Variants in TRIP12 observed in about 807,000 individuals in gnomAD.
TRIP12 encodes the protein E3 ubiquitin-protein ligase TRIP12.
In TRIP12, 25 loss-of-function variants were observed where a neutral mutation model predicts 244.2. The ratio of observed to expected loss-of-function variants is 0.10; its 90% CI spans 0.07 to 0.14. The LOEUF (loss-of-function observed/expected upper bound fraction) is 0.14, where lower values mean the gene tolerates loss of function less well. Among genes scored for constraint, TRIP12 ranks in the 10% least tolerant of loss-of-function variants. The probability of loss-of-function intolerance (pLI) is 1.00; values close to 1 mark genes in which losing one functional copy is unlikely to be tolerated. For missense variants in TRIP12, 1,677 were observed against 2,486.4 expected, an observed-to-expected ratio of 0.67 and a Z score of 6.92; for synonymous variants, 905 against 873.1, an observed-to-expected ratio of 1.04 and a Z score of -0.64.
intron 4 of TRIP12, among the ~76,000 whole-genome samples, chr2:229,846,600 G>A (rs1227386305): frequency 6.6e-6 from 1 of 151,868 alleles, no homozygotes; most frequent in Non-Finnish European, 1.5e-5. Context: ...GTGGTGGCTG[G>A]GAACTGAGTG....
rs112971473 is a variant in TRIP12 at position 229,822,141 on chromosome 2, A to G, written c.1451-3629T>C. Among the ~76,000 whole-genome samples, 631 of 152,280 alleles carry G rather than the reference A, an allele frequency of 4.1e-3. 6 individuals are homozygous for G. The highest frequency in any genetic ancestry group is 0.015 in the African/African-American group (616 of 41,570). The stretch of plus-strand genomic sequence containing the variant: ...AGCGACAAGAGCGAGACTCCGTCTC[A>G]AAACAAACAAACAAACAAACAAAAA... On this transcript the variant is annotated intron_variant, in intron 8 of 41. Coordinates refer to ENST00000675903, the MANE Select transcript of TRIP12 (RefSeq NM_001348323.3).
intron 24 of TRIP12, 73 bp from the exon 25 acceptor site, chr2:229,796,855 CA>C: frequency 1.5e-6 from 2 of 1,347,186 alleles, no homozygotes; most frequent in Non-Finnish European, 2.0e-6. Context: ...CACATATCCT[CA>C]AAAGGAAATG....
intron 34 of TRIP12, 87 bp from the exon 35 acceptor site, chr2:229,779,077 G>C: frequency 3.8e-6 from 4 of 1,051,446 alleles, no homozygotes; most frequent in South Asian, 2.6e-5. Context: ...CACACTAACA[G>C]CAACTGTTTA....
chr2:229,807,604 C>CA (rs1430638092), intron 17 of TRIP12, 104 bp downstream of exon 17: 1 of 1,395,762 alleles, frequency 7.2e-7, no homozygotes, highest in Admixed American at 1.7e-5. Context: ...TGAGTTAATT[C>CA]AAAATCAAGC....
rs1406559114 is a variant in TRIP12 at position 229,765,607 on chromosome 2, CATT to C, written c.*1944_*1946del. On this transcript the variant is annotated 3_prime_UTR_variant, in exon 42 of 42. Coordinates refer to ENST00000675903, the MANE Select transcript of TRIP12 (RefSeq NM_001348323.3). ...GATAAAATGTCAAGTACAGATGAAA[CATT>C]ATTTTGTTTATACATGTCTAAATTT... The C allele has an allele frequency of 6.6e-6, 1 of 152,190 alleles. No individual in the cohort carries two copies. Among genetic ancestry groups the C allele is most frequent in the Non-Finnish European group, 1.5e-5 (1 of 68,032 alleles). The allele number at this position is 152,190 out of a possible 1,614,324, so 9.4% of individuals were successfully genotyped here. A position where few individuals can be genotyped will look rare whatever the true frequency, so the allele number is the denominator to read the frequency against.
rs1162418333 is a variant in TRIP12, at chr2:229,778,301, C to G, written c.5364+132G>C. The G allele has an allele frequency of 8.5e-7, 1 of 1,182,710 alleles. No individual in the cohort carries two copies. Among genetic ancestry groups the G allele is most frequent in the Non-Finnish European group, 1.2e-6 (1 of 843,120 alleles). The allele number at this position is 1,182,710 out of a possible 1,614,324, so 73.3% of individuals were successfully genotyped here. The stretch of plus-strand genomic sequence containing the variant: ...GAACCGGCATTTTTAACAAAATCCC[C>G]AAGTAATTCATATGTGTATTGAAGT... On this transcript the variant is annotated intron_variant, in intron 36 of 41. Coordinates refer to ENST00000675903, the MANE Select transcript of TRIP12 (RefSeq NM_001348323.3). The surrounding 1 kb of genome is among the most constrained non-coding windows in gnomAD (Gnocchi z 4.1).
chr2:229,792,768 T>C (rs1224808460), intron 27 of TRIP12, among the ~76,000 whole-genome samples: 1 of 152,140 alleles, frequency 6.6e-6, no homozygotes, highest in African/African-American at 2.4e-5. Context: ...ATAAATTAAC[T>C]CAACATTCAA....
intron 37 of TRIP12, 47 bp from the exon 38 acceptor site, chr2:229,774,308 T>C (rs767701469): frequency 2.6e-6 from 4 of 1,544,372 alleles, no homozygotes; most frequent in Admixed American, 2.0e-5. Flanking sequence ...AAAATTAACT[T>C]ACGGTTGTTT....
At chr2:229,810,118 G>C (rs2046899659) in intron 15 of TRIP12, among the ~76,000 whole-genome samples, 1 of 152,226 alleles carries the variant, frequency 6.6e-6, no homozygotes, top group Non-Finnish European at 1.5e-5. Context: ...CTAGTACTAT[G>C]GGAGGCCAAG....
chr2:229,800,896 C>T (rs2044129665), intron 21 of TRIP12, among the ~76,000 whole-genome samples: 2 of 151,920 alleles, frequency 1.3e-5, no homozygotes, highest in East Asian at 1.9e-4. Flanking sequence ...AGACCCCATG[C>T]TGTGTCTCTT....
At chr2:229,867,857 A>C (rs1304316981) in intron 2 of TRIP12, among the ~76,000 whole-genome samples, 2 of 152,214 alleles carry the variant, frequency 1.3e-5, no homozygotes, top group East Asian at 3.8e-4. Flanking sequence ...AGTGCAAAGG[A>C]AATTACTAAT....
intron 21 of TRIP12, among the ~76,000 whole-genome samples, chr2:229,799,772 C>CAA (rs369675716): frequency 7.8e-6 from 1 of 128,192 alleles, no homozygotes; most frequent in Non-Finnish European, 1.7e-5. Context: ...GACTCCATCT[C>CAA]AAAAAAAAAA....
chr2:229,838,148 T>C lies in TRIP12; in HGVS notation c.1134-1164A>G, dbSNP rs140470003. Among the ~76,000 whole-genome samples, 10 of 152,062 alleles carry C rather than the reference T, an allele frequency of 6.6e-5. No homozygotes were observed. The East Asian group carries it at 1.7e-3, about 27-fold the overall frequency. Reference sequence around the variant, plus strand: ...AAGGCTCTGGCTTACCTGAGAGCACTGGAAGAGTTTATTCTCATTACAGAA... The same window carrying C: ...AAGGCTCTGGCTTACCTGAGAGCACCGGAAGAGTTTATTCTCATTACAGAA... On this transcript the variant is annotated intron_variant, in intron 5 of 41. Coordinates refer to ENST00000675903, the MANE Select transcript of TRIP12 (RefSeq NM_001348323.3).
At chr2:229,884,581 C>T (rs1236127814) in intron 1 of TRIP12, among the ~76,000 whole-genome samples, 3 of 152,034 alleles carry the variant, frequency 2.0e-5, no homozygotes, top group Non-Finnish European at 2.9e-5. Flanking sequence ...ATCATACGCA[C>T]ACAAAGAAAG....
rs188332602 is a variant in TRIP12 at position 229,809,099 on chromosome 2, T to C, written c.2222-730A>G. 2.0e-3 allele frequency among the ~76,000 whole-genome samples: 300 copies of C among 152,384 alleles called. 1 individual carries two copies. Among genetic ancestry groups the C allele is most frequent in the African/African-American group, 7.0e-3 (293 of 41,596 alleles). ...ATATTATACATATGCAAAATATACA[T>C]AAACATTTTATTAGAATGTTTTGCC... On this transcript the variant is annotated intron_variant, in intron 15 of 41. Coordinates refer to ENST00000675903, the MANE Select transcript of TRIP12 (RefSeq NM_001348323.3).
intron 4 of TRIP12, among the ~76,000 whole-genome samples, chr2:229,850,958 G>A (rs2058569603): frequency 6.6e-6 from 1 of 152,216 alleles, no homozygotes; most frequent in South Asian, 2.1e-4. Flanking sequence ...TTCCCGCAGC[G>A]CAGGCCTCGG....
chr2:229,922,408 G>C, upstream of TRIP12: 1 of 1,057,418 alleles, frequency 9.5e-7, no homozygotes, highest in South Asian at 1.4e-5. Context: ...AAATCCTTCT[G>C]CCAGCTCATA....
rs1234101713 is a variant in TRIP12 at position 229,778,814 on chromosome 2, C to T, written c.5209+62G>A. ...TTAGAAATTAAATATGTCTAATAAA[C>T]TGTCAGAGTCCATTACCTGATCTGA... On this transcript the variant is annotated intron_variant, in intron 35 of 41. Coordinates refer to ENST00000675903, the MANE Select transcript of TRIP12 (RefSeq NM_001348323.3). This position sits in a 1 kb window ranked among gnomAD's most constrained non-coding sequence, Gnocchi z 4.1. The T allele has an allele frequency of 4.8e-6, 7 of 1,469,248 alleles. No homozygotes were observed. Among genetic ancestry groups the T allele is most frequent in the Admixed American group, 1.8e-5 (1 of 56,612 alleles). 91.0% of individuals were successfully genotyped at this position (1,469,248 alleles called of 1,614,324 possible). A position where few individuals can be genotyped will look rare whatever the true frequency, so the allele number is the denominator to read the frequency against.
chr2:229,865,065 T>C (rs1356675215), intron 2 of TRIP12, among the ~76,000 whole-genome samples: 2 of 152,060 alleles, frequency 1.3e-5, no homozygotes, highest in East Asian at 1.9e-4. Context: ...CCCAGCACTT[T>C]GGAAGGTTGA....
Sources: gnomAD v4.1 joint callset for allele counts (sites outside exome capture counted in the v4.1 genomes callset) on GRCh38, gnomAD v4.1.1 for gene constraint, Gnocchi (gnomAD v3.1) non-coding constraint, MANE v1.5 for transcripts, NCBI Gene and HGNC (gene_info 2026-07-23, HGNC 2026-07-21) for gene names.